Variants in RENBP observed in about 807,000 individuals in gnomAD.
The protein encoded by RENBP is N-acylglucosamine 2-epimerase.
RENBP carries 16 observed loss-of-function variants against 37.8 expected under a neutral mutation model. The observed-to-expected ratio is 0.42, with a 90% CI of 0.29 to 0.64. The LOEUF (loss-of-function observed/expected upper bound fraction) is 0.64. Among genes scored for constraint, RENBP ranks in the 30% least tolerant of loss-of-function variants. The probability of loss-of-function intolerance (pLI) is 0.19; values close to 1 mark genes in which losing one functional copy is unlikely to be tolerated. For synonymous variants in RENBP, 170 were observed against 154.8 expected (o/e 1.10, Z -0.73); for missense variants, 347 against 379.5 (o/e 0.91, Z 0.71).
chrX:153,940,324 G>A, intron 8 of RENBP, 91 bp from the exon 9 acceptor site: 1 of 1,079,622 alleles, frequency 9.3e-7, no homozygotes, highest in South Asian at 2.0e-5. Context: ...CCAAGCTACT[G>A]GAGGTGAATT....
At position 153,943,945 on chromosome X, in the gene RENBP, C is replaced by T. The variant is rs141003436; in HGVS notation, c.239G>A (p.Arg80His). Reference sequence around the variant, plus strand: ...AGCATGGCGGAAGCGCTCGAAAGTGCGGTACAGGCGACAATACATCCATAC... The same window carrying T: ...AGCATGGCGGAAGCGCTCGAAAGTGTGGTACAGGCGACAATACATCCATAC... ...RQVWMYCRLY[R>H]TFERFRHAQL... Residue 80 changes from arginine (R) to histidine (H), a missense_variant, in exon 4 of 11, where the codon CGC becomes CAC. Physicochemically the swap from Arg to His is conservative, Grantham distance 29. Coordinates refer to ENST00000393700, the MANE Select transcript of RENBP (RefSeq NM_002910.6). 2.3e-5 allele frequency: 27 copies of T among 1,191,674 alleles called. No homozygotes were observed. Among genetic ancestry groups the T allele is most frequent in the Middle Eastern group, 2.3e-4 (1 of 4,327 alleles).
intron 6 of RENBP, 199 bp from the exon 7 acceptor site, chrX:153,942,230 GTTTTTTTTTTTT>G (rs782716689): frequency 1.9e-5 from 2 of 102,702 alleles, no homozygotes; most frequent in Non-Finnish European, 3.2e-5. Flanking sequence ...GCAAGTTGTT[GTTTTTTTTTTTT>G]TTTTTTTTTT....
At chrX:153,939,967 G>A (rs975406445) in intron 9 of RENBP, 135 bp downstream of exon 9, 17 of 811,667 alleles carry the variant, frequency 2.1e-5, no homozygotes, top group East Asian at 6.5e-5. Context: ...TTGACTGAAC[G>A]AACAGCACTG....
In RENBP at chrX:153,943,385, C is replaced by T. The variant is rs2065235877; in HGVS notation, c.462+161G>A. On this transcript the variant is annotated intron_variant, in intron 5 of 10. Transcript: ENST00000393700. ...GGCAGGGCGTGGATAGGGCCCTCTC[C>T]GTCTGCGCCCCTGTGGGGGTAGGGG... 18 of 551,643 alleles carry T rather than the reference C, an allele frequency of 3.3e-5. No homozygotes were observed. In the South Asian group the frequency reaches 4.4e-4, roughly 14 times the overall value. The allele number at this position is 551,643 out of a possible 1,213,427, so 45.5% of individuals were successfully genotyped here.
At chrX:153,937,197 AAAATAAAT>A (rs35246509) in intron 9 of RENBP, 4,579 of 106,482 alleles carry the variant, frequency 0.043, 301 homozygotes, top group African/African-American at 0.16. Flanking sequence ...CCCTGTCTCA[AAAATAAAT>A]AAATAAATAA....
intron 5 of RENBP, 93 bp downstream of exon 5, chrX:153,943,453 T>C (rs1196578534): frequency 2.1e-6 from 2 of 932,175 alleles, no homozygotes; most frequent in Non-Finnish European, 3.0e-6. Context: ...GATGGGTCCA[T>C]GGGAGGGGAC....
Position 153,944,389 on chromosome X carries a change from C to A in RENBP, c.57G>T (p.Gln19His). 1 of 1,211,453 alleles carries A rather than the reference C, an allele frequency of 8.3e-7. No individual in the cohort carries two copies. The highest frequency in any genetic ancestry group is 1.1e-6 in the Non-Finnish European group (1 of 895,168). ...QDMEKERETL[Q>H]AWKERVGQEL... ...CCTGCCCCACGCGCTCCTTCCAGGC[C>A]TGCAGAGTCTCTCGCTCTTTCTCCA... Residue 19 changes from glutamine (Q) to histidine (H), a missense_variant, in exon 2 of 11, where the codon CAG becomes CAT. Gln to His is a conservative substitution (Grantham distance 24). Around this residue, in one of 3 missense-constraint regions of RENBP, gnomAD observed 244 missense variants for 279.4 expected, o/e 0.87. Coordinates refer to ENST00000393700, the MANE Select transcript of RENBP (RefSeq NM_002910.6).
chrX:153,943,227 C>A, intron 5 of RENBP, 148 bp from the exon 6 acceptor site: 1 of 485,015 alleles, frequency 2.1e-6, no homozygotes, highest in East Asian at 3.8e-5. Context: ...TGGCACCCAG[C>A]GTCCAGTAGG....
Position 153,941,950 on chromosome X carries a change from C to CCCCCGG in RENBP, c.768_769insCCGGGG (p.Pro256_Gly257insProGly). Reference sequence around the variant, plus strand: ...GCCCCCAGCCCACCCCGCCCCTCACCTGGGTTCTGCTGTCTCCCCAGGCAG... The same window carrying CCCCCGG: ...GCCCCCAGCCCACCCCGCCCCTCACCCCCCGGTGGGTTCTGCTGTCTCCCCAGGCAG... On this transcript the variant is annotated inframe_insertion and splice_region_variant, in exon 7 of 11. Transcript: ENST00000393700. The CCCCCGG allele has an allele frequency of 6.2e-6, 7 of 1,130,562 alleles. No individual in the cohort carries two copies. The highest frequency in any genetic ancestry group is 8.5e-6 in the Non-Finnish European group (7 of 823,138). The allele number at this position is 1,130,562 out of a possible 1,213,427, so 93.2% of individuals were successfully genotyped here. A position where few individuals can be genotyped will look rare whatever the true frequency, so the allele number is the denominator to read the frequency against.
At chrX:153,941,136 C>A (rs1220032437) in intron 8 of RENBP, among the ~76,000 whole-genome samples, 9 of 55,151 alleles carry the variant, frequency 1.6e-4, no homozygotes, top group Non-Finnish European at 2.9e-4. Flanking sequence ...CAAAACTCCA[C>A]CTCAAAAAAA....
Position 153,935,529 on chromosome X carries a change from C to T in RENBP, c.1125G>A (p.Glu375=). 1.7e-6 allele frequency: 2 copies of T among 1,210,914 alleles called. No homozygotes were observed. Among genetic ancestry groups the T allele is most frequent in the Admixed American group, 2.2e-5 (1 of 46,117 alleles). ...YGEWFGYLSR[E]GKVALSIKGG... is the part of the protein sequence containing the mutation. ...CCTTGATGGAGAGGGCCACCTTGCCCTCTCGGCTCAGGTAGCCAAACCATT... is the reference window on the plus strand; with the variant it reads ...CCTTGATGGAGAGGGCCACCTTGCCTTCTCGGCTCAGGTAGCCAAACCATT... The change falls in exon 10 of 11, where the codon GAG becomes GAA. Residue 375 remains glutamate (E), a synonymous_variant. Coordinates refer to ENST00000393700, the MANE Select transcript of RENBP (RefSeq NM_002910.6).
intron 9 of RENBP, among the ~76,000 whole-genome samples, chrX:153,937,471 CTT>C (rs1441569744): frequency 9.1e-6 from 1 of 110,012 alleles, no homozygotes; most frequent in East Asian, 2.8e-4. Context: ...GAGTTTCGCT[CTT>C]GTCACCCAGA....
At chrX:153,943,762 C>T (rs782718840) in intron 4 of RENBP, 44 bp from the exon 5 acceptor site, 3 of 1,189,641 alleles carry the variant, frequency 2.5e-6, no homozygotes, top group South Asian at 1.8e-5. Flanking sequence ...GGCCAGGACG[C>T]CCCGCACACA....
At chrX:153,941,817 C>G in intron 7 of RENBP, 133 bp downstream of exon 7, 4 of 745,437 alleles carry the variant, frequency 5.4e-6, no homozygotes, top group Non-Finnish European at 8.1e-6. Flanking sequence ...AAACCCCCAG[C>G]CTTGGGAAGC....
chrX:153,938,796 G>GT (rs782397481), intron 9 of RENBP, among the ~76,000 whole-genome samples: 218 of 74,895 alleles, frequency 2.9e-3, no homozygotes, highest in Non-Finnish European at 3.8e-3. Context: ...TTTTTTTTTT[G>GT]TTTTTTTTTT....
intron 8 of RENBP, among the ~76,000 whole-genome samples, chrX:153,941,260 C>T (rs782245336): frequency 9.0e-6 from 1 of 110,558 alleles, no homozygotes; most frequent in Non-Finnish European, 1.9e-5. Flanking sequence ...CTTTGCATTG[C>T]GGACTCGCCC....
In RENBP at chrX:153,940,122, C is replaced by T. The variant is rs145636935; in HGVS notation, c.1057G>A (p.Ala353Thr). 7.1e-4 allele frequency: 861 copies of T among 1,209,050 alleles called. No homozygotes were observed. The highest frequency in any genetic ancestry group is 1.2e-3 in the Admixed American group (55 of 45,590). The change falls in exon 9 of 11, where the codon GCT (alanine) becomes ACT (threonine). Residue 353 changes from alanine (A) to threonine (T), a missense_variant. Transcript: ENST00000393700. ...PVLLRLFYQV[A>T]EYTFRQFRDP... ...CTCACCTGGCGGAAGGTGTACTCAGCCACTTGGTAGAAGAGGCGCAGCAGC... is the reference window on the plus strand; with the variant it reads ...CTCACCTGGCGGAAGGTGTACTCAGTCACTTGGTAGAAGAGGCGCAGCAGC...
At chrX:153,939,612 C>T in intron 9 of RENBP, among the ~76,000 whole-genome samples, 1 of 111,510 alleles carries the variant, frequency 9.0e-6, no homozygotes. Flanking sequence ...ACACCCTCCC[C>T]TCCAAGCCCC....
At chrX:153,944,530 A>G (rs1326418283) in intron 1 of RENBP, 54 bp downstream of exon 1, 1 of 1,166,935 alleles carries the variant, frequency 8.6e-7, no homozygotes, top group Non-Finnish European at 1.2e-6. Context: ...TTCAGACGTC[A>G]CCATCCCCGG....
Sources: allele counts gnomAD v4.1 joint callset (sites outside exome capture counted in the v4.1 genomes callset), GRCh38; gene constraint gnomAD v4.1.1; regional missense constraint gnomAD v4.1.1; transcripts MANE v1.5; gene names NCBI Gene and HGNC (gene_info 2026-07-23, HGNC 2026-07-21).